The following GSTA1 variants were observed in gnomAD, a reference collection of about 807,000 sequenced individuals.
The protein encoded by GSTA1 is glutathione S-transferase A1.
In GSTA1, 23 loss-of-function variants were observed where a neutral mutation model predicts 21.5. That is an observed-to-expected ratio of 1.07 (90% CI 0.77 to 1.52). GSTA1 has a LOEUF of 1.52. Among genes scored for constraint, GSTA1 ranks in the 40% most tolerant of loss-of-function variants. The pLI is 0.00. For missense variants in GSTA1, 301 were observed against 264.2 expected, an observed-to-expected ratio of 1.14 and a Z score of -0.96; for synonymous variants, 125 against 90.0, an observed-to-expected ratio of 1.39 and a Z score of -2.20.
In GSTA1 at chr6:52,792,977, C is replaced by A. The variant is rs1561910470; in HGVS notation, c.425G>T (p.Ser142Ile). The change falls in exon 6 of 7, where the codon AGC becomes ATC. Residue 142 changes from serine (S) to isoleucine (I), a missense_variant. By Grantham distance (142) the Ser-to-Ile change is moderately radical. Transcript: ENST00000334575. ...YFPAFEKVLK[S>I]HGQDYLVGNK... ...GCCAACAAGGTAGTCTTGTCCATGGCTCTTTAAGACCTGGAGAATGGGAGG... is the reference window on the plus strand; with the variant it reads ...GCCAACAAGGTAGTCTTGTCCATGGATCTTTAAGACCTGGAGAATGGGAGG... 3 of 1,614,082 alleles carry A rather than the reference C, an allele frequency of 1.9e-6. No individual in the cohort carries two copies. The highest frequency in any genetic ancestry group is 1.7e-6 in the Non-Finnish European group (2 of 1,179,978).
intron 1 of GSTA1, among the ~76,000 whole-genome samples, chr6:52,801,765 A>G (rs1360109714): frequency 6.6e-6 from 1 of 152,158 alleles, no homozygotes; most frequent in Non-Finnish European, 1.5e-5. Flanking sequence ...TTCATAGTCA[A>G]TATCTAGGGA....
rs1405046245 is a variant in GSTA1, at chr6:52,796,292, T to C, written c.162A>G (p.Gln54=). ...LRNDGYLMFQ[Q]VPMVEIDGMK... is the part of the protein sequence containing the mutation. The stretch of plus-strand genomic sequence containing the variant: ...TCCCATCAATCTCAACCATTGGCAC[T>C]TGCTGGAACATCAAATATCCATCTT... The change falls in exon 4 of 7, where the codon CAA becomes CAG. Residue 54 remains glutamine (Q), a synonymous_variant. Transcript: ENST00000334575. The C allele has an allele frequency of 1.2e-6, 2 of 1,613,640 alleles. No homozygotes were observed. Among genetic ancestry groups the C allele is most frequent in the Middle Eastern group, 1.6e-4 (1 of 6,084 alleles).
chr6:52,799,580 T>G (rs1286793594), intron 1 of GSTA1, among the ~76,000 whole-genome samples: 2 of 152,170 alleles, frequency 1.3e-5, no homozygotes, highest in Non-Finnish European at 2.9e-5. Flanking sequence ...TAGGAGTTAT[T>G]GGAAGAGGAA....
chr6:52,796,828 C>G (rs565860119), intron 3 of GSTA1, among the ~76,000 whole-genome samples: 2 of 152,084 alleles, frequency 1.3e-5, no homozygotes, highest in East Asian at 3.9e-4. Flanking sequence ...GCATGAGCCA[C>G]TGCACCCAGT....
intron 1 of GSTA1, among the ~76,000 whole-genome samples, chr6:52,800,524 G>A (rs1316183328): frequency 2.6e-5 from 4 of 152,228 alleles, no homozygotes; most frequent in Non-Finnish European, 4.4e-5. Context: ...ATGTTTGCAC[G>A]TGTGCATGCT....
rs1474337365 is a variant in GSTA1 at position 52,791,451 on chromosome 6, T to C, written c.*407A>G. Among the ~76,000 whole-genome samples, 1 of 152,228 alleles carries C rather than the reference T, an allele frequency of 6.6e-6. No homozygotes were observed. The highest frequency in any genetic ancestry group is 2.4e-5 in the African/African-American group (1 of 41,464). On this transcript the variant is annotated 3_prime_UTR_variant, in exon 7 of 7. Transcript: ENST00000334575. ...AAAAGAAGAAAATGTCTTTATGCCATTATCCAGGATGGTAACTCTTCTCCT... is the reference window on the plus strand; with the variant it reads ...AAAAGAAGAAAATGTCTTTATGCCACTATCCAGGATGGTAACTCTTCTCCT...
rs1763449278 is a variant in GSTA1 at position 52,791,383 on chromosome 6, A to G, written c.*475T>C. ...GACAGAATCATTGTTTTGCAAATGC[A>G]TAAGAAAGAACGCTTTTATCAGAAA... On this transcript the variant is annotated 3_prime_UTR_variant, in exon 7 of 7. Transcript: ENST00000334575. Among the ~76,000 whole-genome samples the G allele has an allele frequency of 6.6e-6, 1 of 152,254 alleles. No individual in the cohort carries two copies. The highest frequency in any genetic ancestry group is 1.5e-5 in the Non-Finnish European group (1 of 68,038).
At chr6:52,798,047 C>G (rs1239302932) in intron 2 of GSTA1, among the ~76,000 whole-genome samples, 1 of 152,182 alleles carries the variant, frequency 6.6e-6, no homozygotes, top group African/African-American at 2.4e-5. Context: ...TAATGGCTAT[C>G]AAACATTTTG....
chr6:52,801,601 T>A (rs765072554), intron 1 of GSTA1, among the ~76,000 whole-genome samples: 12 of 152,206 alleles, frequency 7.9e-5, no homozygotes, highest in Non-Finnish European at 2.9e-5. Flanking sequence ...ACAACACTCC[T>A]GCTGATAACT....
Position 52,799,038 on chromosome 6 carries a change from ATCTGTTCATCTTTTTCTTAATTACAG to A in GSTA1, c.87+117_87+142del. 3.9e-6 allele frequency: 3 copies of A among 768,748 alleles called. No homozygotes were observed. In the South Asian group the frequency reaches 4.9e-5, roughly 12 times the overall value. 47.6% of individuals were successfully genotyped at this position (768,748 alleles called of 1,614,324 possible). On this transcript the variant is annotated intron_variant, in intron 2 of 6. Transcript: ENST00000334575. ...GAAATTTTAAGAATTAATAGGTCAA[ATCTGTTCATCTTTTTCTTAATTACAG>A]TCCATTTTTATTTAAGGCACAATGC...
chr6:52,796,618 A>G (rs950518737), intron 3 of GSTA1, among the ~76,000 whole-genome samples: 6 of 141,322 alleles, frequency 4.2e-5, no homozygotes, highest in African/African-American at 1.6e-4. Flanking sequence ...ATCTTGGCTC[A>G]CTGTAACTTC....
intron 5 of GSTA1, 52 bp downstream of exon 5, chr6:52,794,073 T>C (rs972575134): frequency 6.2e-7 from 1 of 1,609,300 alleles, no homozygotes. Flanking sequence ...GCCACTATTT[T>C]TCTATTGGCC....
At position 52,803,325 on chromosome 6, in the gene GSTA1, C is replaced by T. The variant is rs116838134; in HGVS notation, c.-31+460G>A. 3.2e-3 allele frequency among the ~76,000 whole-genome samples: 481 copies of T among 152,280 alleles called. 2 individuals carry two copies. Among genetic ancestry groups the T allele is most frequent in the African/African-American group, 0.011 (454 of 41,558 alleles). Reference sequence around the variant, plus strand: ...GCAAAGGCTCAACTAGAATCTAGTTCTCCTGACATTCAAACTAATTTATTC... The same window carrying T: ...GCAAAGGCTCAACTAGAATCTAGTTTTCCTGACATTCAAACTAATTTATTC... On this transcript the variant is annotated intron_variant, in intron 1 of 6. Transcript: ENST00000334575.
chr6:52,793,637 A>G (rs1348002399), intron 5 of GSTA1, among the ~76,000 whole-genome samples: 1 of 152,168 alleles, frequency 6.6e-6, no homozygotes, highest in Non-Finnish European at 1.5e-5. Flanking sequence ...CCATTTTAAA[A>G]AATCTTCCTC....
rs180682833 is a variant in GSTA1 at position 52,794,509 on chromosome 6, C to T, written c.273-243G>A. ...CATGACCTAATACAGGTAAAAAGAA[C>T]GTCGGTGGTCACAGTCATGAGAGAA... On this transcript the variant is annotated intron_variant, in intron 4 of 6. Coordinates refer to ENST00000334575, the MANE Select transcript of GSTA1 (RefSeq NM_145740.5). 1.3e-4 allele frequency among the ~76,000 whole-genome samples: 20 copies of T among 152,286 alleles called. No individual in the cohort carries two copies. The East Asian group carries it at 3.3e-3, about 25-fold the overall frequency.
intron 4 of GSTA1, among the ~76,000 whole-genome samples, chr6:52,794,619 T>C (rs1204362622): frequency 1.3e-5 from 2 of 152,172 alleles, no homozygotes; most frequent in East Asian, 3.9e-4. Context: ...ATGAACTTAG[T>C]GTGAGTCAAA....
Position 52,796,331 on chromosome 6 carries a change from A to C in GSTA1, c.140-17T>G. 6.2e-7 allele frequency: 1 copy of C among 1,613,698 alleles called. No homozygotes were observed. Among genetic ancestry groups the C allele is most frequent in the Non-Finnish European group, 8.5e-7 (1 of 1,179,926 alleles). On this transcript the variant is annotated splice_polypyrimidine_tract_variant and intron_variant, in intron 3 of 6. Transcript: ENST00000334575. ...AATATCCATCTTTAGAAGGAAGAAA[A>C]AAAAGGAGAGTGAAGTGTCTATGAA...
At chr6:52,796,107 C>G (rs41273854) in intron 4 of GSTA1, 75 bp downstream of exon 4, 54 of 1,603,016 alleles carry the variant, frequency 3.4e-5, no homozygotes, top group South Asian at 1.1e-4. Context: ...GCCCTGCCAT[C>G]GTCCCACCCA....
Position 52,793,000 on chromosome 6 carries a change from A to T in GSTA1, c.415-13T>A, listed in dbSNP as rs1388408638. ...GGCTCTTTAAGACCTGGAGAATGGG[A>T]GGAATCAGATCAGGAACACATGCAC... On this transcript the variant is annotated splice_polypyrimidine_tract_variant and intron_variant, in intron 5 of 6. Transcript: ENST00000334575. The T allele has an allele frequency of 6.2e-7, 1 of 1,614,016 alleles. No homozygotes were observed. The highest frequency in any genetic ancestry group is 1.7e-5 in the Admixed American group (1 of 60,014).
Sources: gnomAD v4.1 joint callset for allele counts (sites outside exome capture counted in the v4.1 genomes callset) on GRCh38, gnomAD v4.1.1 for gene constraint, MANE v1.5 for transcripts, NCBI Gene and HGNC (gene_info 2026-07-23, HGNC 2026-07-21) for gene names.